Variants in RIMBP2 observed in about 807,000 individuals in gnomAD.
The protein encoded by RIMBP2 is RIMS-binding protein 2.
RIMBP2 carries 48 observed loss-of-function variants against 118.6 expected under a neutral mutation model. The ratio of observed to expected loss-of-function variants is 0.40; its 90% CI spans 0.32 to 0.51. The LOEUF is 0.51. Among genes scored for constraint, RIMBP2 ranks in the 20% least tolerant of loss-of-function variants. The pLI, the probability that RIMBP2 is intolerant of heterozygous loss-of-function variation, is 0.41. For missense variants in RIMBP2, 1,551 were observed against 1,768.3 expected (o/e 0.88, Z 2.20); for synonymous variants, 762 against 742.9 (o/e 1.03, Z -0.42).
At chr12:130,702,477 CT>C (rs2065898706) in intron 1 of RIMBP2, among the ~76,000 whole-genome samples, 1 of 150,002 alleles carries the variant, frequency 6.7e-6, no homozygotes, top group African/African-American at 2.5e-5. Context: ...GATCATGCCA[CT>C]GCACTCCAGC....
At chr12:130,656,179 T>C (rs2063420595) in intron 1 of RIMBP2, among the ~76,000 whole-genome samples, 1 of 152,088 alleles carries the variant, frequency 6.6e-6, no homozygotes, top group Non-Finnish European at 1.5e-5. Flanking sequence ...CCTCGGTTTG[T>C]CTAATGTTCT....
intron 1 of RIMBP2, among the ~76,000 whole-genome samples, chr12:130,690,699 C>T (rs1205268880): frequency 6.6e-6 from 1 of 152,132 alleles, no homozygotes; most frequent in Non-Finnish European, 1.5e-5. Flanking sequence ...TAGCAGGCCA[C>T]GCACTTCCAC....
chr12:130,571,108 G>T (rs766630695), intron 2 of RIMBP2, among the ~76,000 whole-genome samples: 2 of 151,920 alleles, frequency 1.3e-5, no homozygotes, highest in Non-Finnish European at 2.9e-5. Context: ...CTAATCCATG[G>T]CGGGAAGAGG....
intron 2 of RIMBP2, among the ~76,000 whole-genome samples, chr12:130,598,908 T>C (rs1311818782): frequency 6.6e-6 from 1 of 152,170 alleles, no homozygotes; most frequent in Non-Finnish European, 1.5e-5. Flanking sequence ...ATGGGGTCTA[T>C]GTCACTCAGC....
At chr12:130,645,902 A>C (rs1203258833) in intron 1 of RIMBP2, among the ~76,000 whole-genome samples, 2 of 152,316 alleles carry the variant, frequency 1.3e-5, no homozygotes, top group East Asian at 3.9e-4. Context: ...AAATGGATTC[A>C]TTAAAGCTCT....
intron 6 of RIMBP2, among the ~76,000 whole-genome samples, chr12:130,468,124 T>C (rs1405818268): frequency 1.3e-5 from 2 of 152,154 alleles, no homozygotes; most frequent in Non-Finnish European, 2.9e-5. Context: ...GGTTCTTTGA[T>C]GGGTGAGTGG....
intron 4 of RIMBP2, among the ~76,000 whole-genome samples, chr12:130,481,451 C>T (rs758900152): frequency 6.6e-6 from 1 of 152,084 alleles, no homozygotes; most frequent in Non-Finnish European, 1.5e-5. Flanking sequence ...ACCTCACGTG[C>T]TGGTTCATCT....
At position 130,700,279 on chromosome 12, in the gene RIMBP2, C is replaced by T. The variant is rs140912876; in HGVS notation, c.-352+15943G>A. Reference sequence around the variant, plus strand: ...AGGTCCTTTTCTCCCTTCACCCATTCCCCGGAAAGATGCCTGGAGTTGAGG... The same window carrying T: ...AGGTCCTTTTCTCCCTTCACCCATTTCCCGGAAAGATGCCTGGAGTTGAGG... On this transcript the variant is annotated intron_variant, in intron 1 of 22. Transcript: ENST00000690449. 4.7e-3 allele frequency among the ~76,000 whole-genome samples: 718 copies of T among 152,294 alleles called. 7 individuals are homozygous for T. The highest frequency in any genetic ancestry group is 0.017 in the African/African-American group (686 of 41,556).
chr12:130,549,154 C>T (rs56108525), intron 2 of RIMBP2, among the ~76,000 whole-genome samples: 11,427 of 152,214 alleles, frequency 0.075, 606 homozygotes, highest in South Asian at 0.16. Flanking sequence ...CTAATTCAAA[C>T]GTGTAACTCT....
Position 130,581,456 on chromosome 12 carries a change from C to T in RIMBP2, c.-217+46866G>A, listed in dbSNP as rs903628837. The stretch of plus-strand genomic sequence containing the variant: ...CAAGGTCCATGCTCACCCCCACTGC[C>T]CACCCAGCCTGTCCCAGTGGAGGTC... On this transcript the variant is annotated intron_variant, in intron 2 of 22. Coordinates refer to ENST00000690449, the MANE Select transcript of RIMBP2 (RefSeq NM_001393629.1). This position sits in a 1 kb window ranked among gnomAD's most constrained non-coding sequence, Gnocchi z 4.4. Among the ~76,000 whole-genome samples the T allele has an allele frequency of 6.6e-6, 1 of 152,220 alleles. No homozygotes were observed. Among genetic ancestry groups the T allele is most frequent in the Non-Finnish European group, 1.5e-5 (1 of 68,036 alleles).
chr12:130,654,055 TC>T (rs1356286957), intron 1 of RIMBP2, among the ~76,000 whole-genome samples: 2 of 152,170 alleles, frequency 1.3e-5, no homozygotes, highest in African/African-American at 4.8e-5. Flanking sequence ...AGCACTTGGG[TC>T]CTTTTTAGTC....
chr12:130,625,182 C>G (rs1195432632), intron 2 of RIMBP2, among the ~76,000 whole-genome samples: 1 of 152,226 alleles, frequency 6.6e-6, no homozygotes, highest in Non-Finnish European at 1.5e-5. Flanking sequence ...AAATTATTCT[C>G]TTGCAGCAAT....
At position 130,606,493 on chromosome 12, in the gene RIMBP2, C is replaced by T. The variant is rs574013008; in HGVS notation, c.-217+21829G>A. On this transcript the variant is annotated intron_variant, in intron 2 of 22. Coordinates refer to ENST00000690449, the MANE Select transcript of RIMBP2 (RefSeq NM_001393629.1). The stretch of plus-strand genomic sequence containing the variant: ...TTAGGTGGCTGTCACCGCATCAGCG[C>T]TGTGGAGGCGGGGAGGAGTGCAGGT... Among the ~76,000 whole-genome samples the T allele has an allele frequency of 8.5e-4, 130 of 152,230 alleles. 2 individuals are homozygous for T. The highest frequency in any genetic ancestry group is 1.7e-3 in the Non-Finnish European group (115 of 68,044).
chr12:130,447,942 A>T lies in RIMBP2; in HGVS notation c.581+2258T>A, dbSNP rs1213096909. On this transcript the variant is annotated intron_variant, in intron 9 of 22. Transcript: ENST00000690449. The surrounding 1 kb of genome is among the most constrained non-coding windows in gnomAD (Gnocchi z 4.4). ...TCTAAGCAGGTTGCTGAATAATGAC[A>T]GCAAGAGGAGACACTGATTAGACCC... Among the ~76,000 whole-genome samples the T allele has an allele frequency of 6.6e-6, 1 of 152,130 alleles. No homozygotes were observed. Among genetic ancestry groups the T allele is most frequent in the East Asian group, 1.9e-4 (1 of 5,178 alleles).
At chr12:130,614,853 A>G (rs922937711) in intron 2 of RIMBP2, among the ~76,000 whole-genome samples, 2 of 149,952 alleles carry the variant, frequency 1.3e-5, no homozygotes, top group Non-Finnish European at 3.0e-5. Flanking sequence ...TATATAAAAT[A>G]CAGATATATA....
At chr12:130,524,258 G>C (rs556994634) in intron 2 of RIMBP2, among the ~76,000 whole-genome samples, 5 of 152,174 alleles carry the variant, frequency 3.3e-5, no homozygotes, top group Non-Finnish European at 7.4e-5. Flanking sequence ...CCTCCCAAGA[G>C]TACAGAAGCT....
rs981767059 is a variant in RIMBP2, at chr12:130,523,506, G to A, written c.-216-5589C>T. On this transcript the variant is annotated intron_variant, in intron 2 of 22. Transcript: ENST00000690449. This position sits in a 1 kb window ranked among gnomAD's most constrained non-coding sequence, Gnocchi z 4.4. ...GTCTCCCGAGGCAGCTCAAGGGCTC[G>A]TCAAGGAAGAAACTGGGTCTTCTGA... Among the ~76,000 whole-genome samples the A allele has an allele frequency of 7.9e-5, 12 of 152,188 alleles. No individual in the cohort carries two copies. Among genetic ancestry groups the A allele is most frequent in the Admixed American group, 6.5e-4 (10 of 15,280 alleles).
intron 1 of RIMBP2, among the ~76,000 whole-genome samples, chr12:130,679,204 C>G (rs1443043538): frequency 6.6e-6 from 1 of 152,136 alleles, no homozygotes; most frequent in Non-Finnish European, 1.5e-5. Flanking sequence ...GAACACCTGC[C>G]TCTCCTATAC....
intron 6 of RIMBP2, chr12:130,465,994 T>C (rs1329375805): frequency 1.3e-5 from 2 of 152,196 alleles, no homozygotes; most frequent in Non-Finnish European, 2.9e-5. Flanking sequence ...TTGAATGGGA[T>C]TCTGCTCATG....
Sources: allele counts gnomAD v4.1 joint callset (sites outside exome capture counted in the v4.1 genomes callset), GRCh38; gene constraint gnomAD v4.1.1; non-coding constraint Gnocchi (gnomAD v3.1); transcripts MANE v1.5; gene names NCBI Gene and HGNC (gene_info 2026-07-23, HGNC 2026-07-21).